Variants in NLRP3 observed in about 807,000 individuals in gnomAD.
The protein encoded by NLRP3 is NLR family pyrin domain containing 3.
In NLRP3, 48 loss-of-function variants were observed where a neutral mutation model predicts 91.3. The ratio of observed to expected loss-of-function variants is 0.53; its 90% CI spans 0.42 to 0.67. NLRP3 has a LOEUF of 0.67. Among genes scored for constraint, NLRP3 ranks in the 30% least tolerant of loss-of-function variants. The pLI, the probability that NLRP3 is intolerant of heterozygous loss-of-function variation, is 0.00. For synonymous variants in NLRP3, 561 were observed against 507.9 expected, an observed-to-expected ratio of 1.10 and a Z score of -1.41; for missense variants, 982 against 1,276.9, an observed-to-expected ratio of 0.77 and a Z score of 3.52.
chr1:247,417,671 G>A (rs367923320), intron 1 of NLRP3, among the ~76,000 whole-genome samples: 26 of 151,960 alleles, frequency 1.7e-4, no homozygotes, highest in Non-Finnish European at 3.1e-4. Flanking sequence ...TAGTAGAGAC[G>A]GGATTTCTCC....
chr1:247,433,960 T>C, intron 5 of NLRP3, 143 bp from the exon 6 acceptor site: 1 of 364,328 alleles, frequency 2.7e-6, no homozygotes, highest in Non-Finnish European at 4.7e-6. Context: ...CTTTCTGTAT[T>C]CCGGAGCTCT....
chr1:247,425,750 A>C lies in NLRP3; in HGVS notation c.2150+151A>C. 1.4e-6 allele frequency: 1 copy of C among 712,634 alleles called. No homozygotes were observed. The highest frequency in any genetic ancestry group is 2.4e-6 in the Non-Finnish European group (1 of 408,828). The allele number at this position is 712,634 out of a possible 1,614,324, so 44.1% of individuals were successfully genotyped here. A position where few individuals can be genotyped will look rare whatever the true frequency, so the allele number is the denominator to read the frequency against. On this transcript the variant is annotated intron_variant, in intron 4 of 9. Coordinates refer to ENST00000336119, the MANE Select transcript of NLRP3 (RefSeq NM_001243133.2). The surrounding 1 kb of genome is among the most constrained non-coding windows in gnomAD (Gnocchi z 4.1). Reference sequence around the variant, plus strand: ...ACCACTGTCTGTTTGAGACTCCTTCATGAGCAAAGATTGATGTATGGTAGG... The same window carrying C: ...ACCACTGTCTGTTTGAGACTCCTTCCTGAGCAAAGATTGATGTATGGTAGG...
chr1:247,424,679 C>G lies in NLRP3; in HGVS notation c.1230C>G (p.Pro410=). Residue 410 remains proline, a synonymous_variant, in exon 4 of 10, where the codon CCC becomes CCG. Coordinates refer to ENST00000336119, the MANE Select transcript of NLRP3 (RefSeq NM_001243133.2). This position sits in a 1 kb window ranked among gnomAD's most constrained non-coding sequence, Gnocchi z 8.1. Reference sequence around the variant, plus strand: ...TCCTCTTCACCATGTGCTTCATCCCCCTGGTCTGCTGGATCGTGTGCACTG... The same window carrying G: ...TCCTCTTCACCATGTGCTTCATCCCGCTGGTCTGCTGGATCGTGTGCACTG... ...NEVLFTMCFI[P]LVCWIVCTGL... 1 of 1,614,242 alleles carries G rather than the reference C, an allele frequency of 6.2e-7. No individual in the cohort carries two copies. The highest frequency in any genetic ancestry group is 2.2e-5 in the East Asian group (1 of 44,886).
At chr1:247,428,111 G>T (rs868588032) in intron 4 of NLRP3, among the ~76,000 whole-genome samples, 334 of 148,302 alleles carry the variant, frequency 2.3e-3, no homozygotes, top group African/African-American at 8.4e-3. Flanking sequence ...TCCTTCCTCA[G>T]GACAGACTCT....
chr1:247,425,760 A>T lies in NLRP3; in HGVS notation c.2150+161A>T, dbSNP rs1295455599. The stretch of plus-strand genomic sequence containing the variant: ...GTTTGAGACTCCTTCATGAGCAAAG[A>T]TTGATGTATGGTAGGTGGATAAATG... On this transcript the variant is annotated intron_variant, in intron 4 of 9. Transcript: ENST00000336119. This position sits in a 1 kb window ranked among gnomAD's most constrained non-coding sequence, Gnocchi z 4.1. The T allele has an allele frequency of 2.9e-6, 2 of 694,406 alleles. No individual in the cohort carries two copies. Among genetic ancestry groups the T allele is most frequent in the Non-Finnish European group, 5.1e-6 (2 of 395,672 alleles). The allele number at this position is 694,406 out of a possible 1,614,324, so 43.0% of individuals were successfully genotyped here.
chr1:247,434,130 G>A lies in NLRP3; in HGVS notation c.2349G>A (p.Glu783=). The A allele has an allele frequency of 1.2e-6, 2 of 1,614,260 alleles. No individual in the cohort carries two copies. The highest frequency in any genetic ancestry group is 1.7e-6 in the Non-Finnish European group (2 of 1,180,058). ...LWLGRCGLSH[E]CCFDISLVLS... ...TGGGGCGCTGTGGCCTCTCGCATGA[G>A]TGCTGCTTCGACATCTCCTTGGTCC... is the stretch of plus-strand genomic sequence containing the variant. Residue 783 remains glutamate, a synonymous_variant, in exon 6 of 10, where the codon GAG becomes GAA. Transcript: ENST00000336119.
chr1:247,425,548 A>G lies in NLRP3; in HGVS notation c.2099A>G (p.Asp700Gly), dbSNP rs1467961073. The G allele has an allele frequency of 1.9e-6, 3 of 1,612,616 alleles. No homozygotes were observed. Among genetic ancestry groups the G allele is most frequent in the East Asian group, 4.5e-5 (2 of 44,876 alleles). ...EEEEKEGRHL[D>G]MVQCVLPSSS... is the part of the protein sequence containing the mutation. ...GAGGAAAAGGAAGGCCGACACCTTG[A>G]TATGGTGCAGTGTGTCCTCCCAAGC... is the stretch of plus-strand genomic sequence containing the variant. Residue 700 changes from aspartate to glycine, a missense_variant, in exon 4 of 10, where the codon GAT (aspartate) becomes GGT (glycine). By Grantham distance (94) the Asp-to-Gly change is moderately conservative. Around this residue, in one of 5 missense-constraint regions of NLRP3, gnomAD observed 373 missense variants for 431.5 expected, o/e 0.86. Transcript: ENST00000336119. The surrounding 1 kb of genome is among the most constrained non-coding windows in gnomAD (Gnocchi z 4.1).
intron 7 of NLRP3, among the ~76,000 whole-genome samples, chr1:247,443,400 C>A (rs1045179311): frequency 1.3e-5 from 2 of 151,984 alleles, no homozygotes; most frequent in Non-Finnish European, 2.9e-5. Context: ...CATTTGGGGG[C>A]GCAGGAAGGC....
At chr1:247,444,264 C>A in intron 8 of NLRP3, 122 bp downstream of exon 8, 2 of 1,055,390 alleles carry the variant, frequency 1.9e-6, no homozygotes, top group Non-Finnish European at 2.9e-6. Context: ...TTAGTGTTTG[C>A]CTTGTTACAG....
intron 7 of NLRP3, among the ~76,000 whole-genome samples, chr1:247,439,780 G>T (rs149023532): frequency 6.6e-6 from 1 of 152,076 alleles, no homozygotes; most frequent in Non-Finnish European, 1.5e-5. Context: ...ATGCTGATTT[G>T]TGTAGATCTA....
In NLRP3 at chr1:247,418,258, A is replaced by T. The variant is rs116502550; in HGVS notation, c.-543A>T. On this transcript the variant is annotated 5_prime_UTR_variant, in exon 2 of 10. Transcript: ENST00000336119. ...ACCTTTCTTCCATGGCTCAGGACAC[A>T]CTCCTGGATCGAGCCAACAGGAGAA... 6.4e-3 allele frequency: 1,132 copies of T among 176,730 alleles called. 13 individuals carry two copies. The highest frequency in any genetic ancestry group is 7.9e-3 in the Non-Finnish European group (652 of 82,358). 10.9% of individuals were successfully genotyped at this position (176,730 alleles called of 1,614,324 possible). A position where few individuals can be genotyped will look rare whatever the true frequency, so the allele number is the denominator to read the frequency against.
chr1:247,430,773 C>CTT (rs34058758), intron 5 of NLRP3, among the ~76,000 whole-genome samples: 2 of 147,410 alleles, frequency 1.4e-5, no homozygotes, highest in Non-Finnish European at 3.0e-5. Flanking sequence ...TATGAAAATA[C>CTT]TTTTTTTTTT....
At chr1:247,421,927 A>C (rs1013851092) in intron 2 of NLRP3, among the ~76,000 whole-genome samples, 1 of 152,176 alleles carries the variant, frequency 6.6e-6, no homozygotes, top group African/African-American at 2.4e-5. Flanking sequence ...TGAGCTCAGG[A>C]GTTCCAGGCT....
chr1:247,420,727 T>A (rs1171682550), intron 2 of NLRP3, among the ~76,000 whole-genome samples: 2 of 128,154 alleles, frequency 1.6e-5, no homozygotes, highest in Non-Finnish European at 3.3e-5. Flanking sequence ...AAAAAAAAAT[T>A]TTTTTTTCTT....
intron 7 of NLRP3, among the ~76,000 whole-genome samples, chr1:247,436,883 C>T (rs1184780866): frequency 6.6e-6 from 1 of 152,240 alleles, no homozygotes; most frequent in African/African-American, 2.4e-5. Flanking sequence ...CCTGTATCAC[C>T]TGCTCTTTCA....
Position 247,424,817 on chromosome 1 carries a change from G to A in NLRP3, c.1368G>A (p.Gln456=), listed in dbSNP as rs771969032. Residue 456 remains glutamine, a synonymous_variant, in exon 4 of 10, where the codon CAG becomes CAA. Coordinates refer to ENST00000336119, the MANE Select transcript of NLRP3 (RefSeq NM_001243133.2). The surrounding 1 kb of genome is among the most constrained non-coding windows in gnomAD (Gnocchi z 8.1). ...TGCTGCAGCCCCGGGGAGGGAGCCAGGAGCACGGCCTCTGCGCCCACCTCT... is the reference window on the plus strand; with the variant it reads ...TGCTGCAGCCCCGGGGAGGGAGCCAAGAGCACGGCCTCTGCGCCCACCTCT... ...SSLLQPRGGS[Q]EHGLCAHLWG... 5.0e-6 allele frequency: 8 copies of A among 1,608,444 alleles called. No homozygotes were observed. The highest frequency in any genetic ancestry group is 1.3e-5 in the African/African-American group (1 of 75,068).
chr1:247,446,514 T>C (rs1043782084), intron 9 of NLRP3, among the ~76,000 whole-genome samples: 22 of 152,284 alleles, frequency 1.4e-4, no homozygotes, highest in African/African-American at 5.1e-4. Flanking sequence ...CCTTGCTGTT[T>C]TGCAAGAACA....
chr1:247,437,895 C>T (rs1397392195), intron 7 of NLRP3, among the ~76,000 whole-genome samples: 3 of 152,218 alleles, frequency 2.0e-5, no homozygotes, highest in Non-Finnish European at 4.4e-5. Flanking sequence ...AAGAGCCCTC[C>T]AGGCAAAGCA....
At chr1:247,437,546 T>C (rs1663881845) in intron 7 of NLRP3, among the ~76,000 whole-genome samples, 2 of 152,208 alleles carry the variant, frequency 1.3e-5, no homozygotes, top group African/African-American at 4.8e-5. Context: ...CCTTAGAATA[T>C]TACTCTTCCT....
Sources: allele counts gnomAD v4.1 joint callset (sites outside exome capture counted in the v4.1 genomes callset), GRCh38; gene constraint gnomAD v4.1.1; regional missense constraint gnomAD v4.1.1; non-coding constraint Gnocchi (gnomAD v3.1); transcripts MANE v1.5; gene names NCBI Gene and HGNC (gene_info 2026-07-23, HGNC 2026-07-21).